Variants in SCP2 observed in about 807,000 individuals in gnomAD.
SCP2 encodes sterol carrier protein 2, also known as SCP-2/3-oxoacyl-CoA thiolase.
In SCP2, 48 loss-of-function variants were observed where a neutral mutation model predicts 71.4. That is an observed-to-expected ratio of 0.67 (90% confidence interval 0.53 to 0.86). The LOEUF is 0.86. Among genes scored for constraint, SCP2 ranks in the 40% least tolerant of loss-of-function variants. SCP2 has a pLI of 0.00. For synonymous variants in SCP2, 220 were observed against 218.1 expected (o/e 1.01, Z -0.08); for missense variants, 560 against 655.6 (o/e 0.85, Z 1.59).
At chr1:53,021,176 T>C (rs1258018869) in intron 12 of SCP2, among the ~76,000 whole-genome samples, 1 of 151,932 alleles carries the variant, frequency 6.6e-6, no homozygotes, top group Non-Finnish European at 1.5e-5. Flanking sequence ...CCAGCTAATT[T>C]TTGTATTTTT....
At position 53,014,879 on chromosome 1, in the gene SCP2, C is replaced by G. The variant is rs755756914; in HGVS notation, c.1082-11C>G. The G allele has an allele frequency of 1.2e-6, 2 of 1,612,290 alleles. No homozygotes were observed. Among genetic ancestry groups the G allele is most frequent in the East Asian group, 2.2e-5 (1 of 44,876 alleles). ...TGGAAGCAGCTCAGTGCTCTGTGTT[C>G]GATTTGTTAGGTCTTGCTCAGTGTG... On this transcript the variant is annotated splice_polypyrimidine_tract_variant and intron_variant, in intron 11 of 15. Transcript: ENST00000371514.
chr1:53,003,409 G>A lies in SCP2; in HGVS notation c.1082-11481G>A, dbSNP rs117440653. The stretch of plus-strand genomic sequence containing the variant: ...AATTTTTTACATTTTTGGTAGAGAC[G>A]GGCTTTCGCCATGTTGCTTAGGCTG... On this transcript the variant is annotated intron_variant, in intron 11 of 15. Coordinates refer to ENST00000371514, the MANE Select transcript of SCP2 (RefSeq NM_002979.5). 4.6e-4 allele frequency among the ~76,000 whole-genome samples: 70 copies of A among 152,114 alleles called. No homozygotes were observed. In the East Asian group the frequency reaches 0.012, roughly 26 times the overall value.
chr1:52,950,026 G>A (rs1198958493), intron 3 of SCP2, among the ~76,000 whole-genome samples: 1 of 152,068 alleles, frequency 6.6e-6, no homozygotes, highest in Non-Finnish European at 1.5e-5. Flanking sequence ...TGGCATGCAG[G>A]GTCTTTTAAA....
intron 1 of SCP2, among the ~76,000 whole-genome samples, chr1:52,929,923 G>A (rs1180421562): frequency 2.0e-5 from 3 of 152,074 alleles, no homozygotes. Flanking sequence ...GCACCTGGCC[G>A]TCAACAGGTT....
At chr1:53,050,233 G>A (rs770090348) in intron 15 of SCP2, 19 of 242,492 alleles carry the variant, frequency 7.8e-5, no homozygotes, top group Non-Finnish European at 1.3e-4. Flanking sequence ...GAGTTTCTGT[G>A]TTTTTTGTGT....
chr1:52,974,798 G>T lies in SCP2; in HGVS notation c.553G>T (p.Gly185Ter). Residue 185 changes from glycine to a stop codon, truncating the protein, a stop_gained, in exon 7 of 16, where the codon GGA becomes TGA. Coordinates refer to ENST00000371514, the MANE Select transcript of SCP2 (RefSeq NM_002979.5). LOFTEE classifies it high-confidence loss of function. ...AAAAATTGAACACTTTGCAAAAATT[G>T]GATGGAAAAATCATAAACATTCAGT... ...GTKIEHFAKI[G>*]WKNHKHSVNN... 6.4e-7 allele frequency: 1 copy of T among 1,551,092 alleles called. No homozygotes were observed. Among genetic ancestry groups the T allele is most frequent in the South Asian group, 1.1e-5 (1 of 89,774 alleles).
At chr1:52,934,675 C>T (rs2150099588) in intron 1 of SCP2, among the ~76,000 whole-genome samples, 1 of 115,644 alleles carries the variant, frequency 8.6e-6, no homozygotes, top group South Asian at 3.1e-4. Context: ...TGCAGTGGTG[C>T]GATCTTGGCT....
chr1:53,024,826 C>T (rs957105767), intron 12 of SCP2, among the ~76,000 whole-genome samples: 7 of 151,952 alleles, frequency 4.6e-5, no homozygotes, highest in Non-Finnish European at 8.8e-5. Flanking sequence ...CCTGCCTCGG[C>T]GTCCCAAAGT....
chr1:52,987,002 A>AT (rs1244467401), intron 10 of SCP2, among the ~76,000 whole-genome samples: 1 of 92,754 alleles, frequency 1.1e-5, no homozygotes, highest in East Asian at 2.9e-4. Flanking sequence ...ATATATATAT[A>AT]TATATTTTTT....
At chr1:53,001,981 G>A (rs148677376) in intron 11 of SCP2, among the ~76,000 whole-genome samples, 8,973 of 152,176 alleles carry the variant, frequency 0.059, 567 homozygotes, top group Admixed American at 0.19. Flanking sequence ...TCAGGAGATC[G>A]AGACCATCCT....
At chr1:52,945,671 C>T (rs1381933832) in intron 2 of SCP2, among the ~76,000 whole-genome samples, 1 of 151,526 alleles carries the variant, frequency 6.6e-6, no homozygotes, top group African/African-American at 2.4e-5. Context: ...CCACTGGACT[C>T]TAGCCTAGGC....
chr1:53,033,470 T>C (rs1238574037), intron 13 of SCP2, among the ~76,000 whole-genome samples: 1 of 151,994 alleles, frequency 6.6e-6, no homozygotes, highest in Non-Finnish European at 1.5e-5. Context: ...CTGTGTGTGG[T>C]AGCGTGTGCC....
intron 7 of SCP2, among the ~76,000 whole-genome samples, 173 bp downstream of exon 7, chr1:52,975,005 C>T (rs112648444): frequency 1.4e-4 from 21 of 152,154 alleles, no homozygotes; most frequent in African/African-American, 4.8e-4. Context: ...TTTTCAGTTC[C>T]AGTTTTTGGC....
chr1:53,024,958 T>C (rs1435403393), intron 12 of SCP2, among the ~76,000 whole-genome samples: 1 of 152,142 alleles, frequency 6.6e-6, no homozygotes, highest in Admixed American at 6.6e-5. Flanking sequence ...AACTCTTCCT[T>C]GATACCACCA....
intron 11 of SCP2, among the ~76,000 whole-genome samples, chr1:53,005,370 C>A (rs1340747756): frequency 6.6e-6 from 1 of 152,204 alleles, no homozygotes; most frequent in African/African-American, 2.4e-5. Flanking sequence ...AGACACCTCC[C>A]AGTAGGGGCT....
At chr1:52,958,511 A>G (rs1252013761) in intron 5 of SCP2, among the ~76,000 whole-genome samples, 1 of 152,042 alleles carries the variant, frequency 6.6e-6, no homozygotes, top group African/African-American at 2.4e-5. Flanking sequence ...GATTACAAGT[A>G]TGAGGCACCG....
At chr1:53,019,650 T>A (rs1345140366) in intron 12 of SCP2, among the ~76,000 whole-genome samples, 1 of 152,216 alleles carries the variant, frequency 6.6e-6, no homozygotes, top group Non-Finnish European at 1.5e-5. Flanking sequence ...GTGTGCTTGT[T>A]ATTATTACTT....
At chr1:52,955,973 GA>G (rs59457114) in intron 5 of SCP2, among the ~76,000 whole-genome samples, 5,042 of 140,754 alleles carry the variant, frequency 0.036, 177 homozygotes, top group East Asian at 0.21. Flanking sequence ...TTATTGGCAT[GA>G]AAAAAAAAAA....
At chr1:52,948,417 A>G (rs1242318) in intron 3 of SCP2, among the ~76,000 whole-genome samples, 137,252 of 152,126 alleles carry the variant, frequency 0.9, 62,096 homozygotes, top group African/African-American at 0.97. Context: ...AGGCCGAGGC[A>G]GGCGGATCAC....
Sources: allele counts gnomAD v4.1 joint callset (sites outside exome capture counted in the v4.1 genomes callset), GRCh38; gene constraint gnomAD v4.1.1; transcripts MANE v1.5; gene names NCBI Gene and HGNC (gene_info 2026-07-23, HGNC 2026-07-21).